Variants in MICU1 observed in about 807,000 individuals in gnomAD.
The protein encoded by MICU1 is mitochondrial calcium uptake 1, also known as calcium uptake protein 1, mitochondrial.
A neutral mutation model predicts 56.8 loss-of-function variants in MICU1; 45 were observed. That is an observed-to-expected ratio of 0.79 (90% CI 0.62 to 1.02). The LOEUF (loss-of-function observed/expected upper bound fraction) is 1.02, where lower values mean the gene tolerates loss of function less well. Ranked by LOEUF, MICU1 falls within the 50% of genes least tolerant of loss-of-function variation. The pLI is 0.00. For missense variants in MICU1, 504 were observed against 587.1 expected, an observed-to-expected ratio of 0.86 and a Z score of 1.46; for synonymous variants, 186 against 195.1, an observed-to-expected ratio of 0.95 and a Z score of 0.39.
At chr10:72,520,490 G>C (rs1047043403) in intron 5 of MICU1, among the ~76,000 whole-genome samples, 1 of 152,066 alleles carries the variant, frequency 6.6e-6, no homozygotes, top group Admixed American at 6.6e-5. Context: ...TTTCTTCTAA[G>C]CTTTTCAAAG....
intron 10 of MICU1, among the ~76,000 whole-genome samples, chr10:72,387,546 G>C (rs924859239): frequency 2.0e-5 from 3 of 152,108 alleles, no homozygotes; most frequent in Non-Finnish European, 2.9e-5. Context: ...TATCAATAGG[G>C]GTTAGATATT....
chr10:72,413,505 G>C (rs187094080), intron 9 of MICU1, among the ~76,000 whole-genome samples: 26 of 152,310 alleles, frequency 1.7e-4, no homozygotes, highest in Non-Finnish European at 8.8e-5. Flanking sequence ...CACCAAGGCG[G>C]GTGGATCACC....
At chr10:72,401,057 C>T (rs930701761) in intron 10 of MICU1, among the ~76,000 whole-genome samples, 2 of 152,102 alleles carry the variant, frequency 1.3e-5, no homozygotes, top group East Asian at 3.9e-4. Flanking sequence ...CTGCCTCAGC[C>T]TCCTGAGTAG....
At chr10:72,613,125 T>C (rs1302097725) in intron 1 of MICU1, among the ~76,000 whole-genome samples, 2 of 152,146 alleles carry the variant, frequency 1.3e-5, no homozygotes, top group Non-Finnish European at 2.9e-5. Context: ...CAACACCATA[T>C]GTGCATTACT....
intron 8 of MICU1, among the ~76,000 whole-genome samples, chr10:72,452,610 A>G (rs1865333032): frequency 6.6e-6 from 1 of 152,186 alleles, no homozygotes. Context: ...ACTGCCCTCT[A>G]TGGTATTCAG....
intron 5 of MICU1, chr10:72,523,898 G>A: frequency 2.6e-6 from 4 of 1,511,812 alleles, no homozygotes; most frequent in East Asian, 2.5e-5. Context: ...CCAAATTAAA[G>A]TCATTGATTA....
chr10:72,454,791 AAAAAAAAC>A (rs948607278), intron 8 of MICU1, among the ~76,000 whole-genome samples: 19 of 149,698 alleles, frequency 1.3e-4, no homozygotes, highest in African/African-American at 4.3e-4. Flanking sequence ...TCAAAAAAAA[AAAAAAAAC>A]AAAAAACAAA....
At chr10:72,489,290 TCACACA>T (rs67070756) in intron 6 of MICU1, among the ~76,000 whole-genome samples, 5,187 of 141,566 alleles carry the variant, frequency 0.037, 291 homozygotes, top group African/African-American at 0.12. Context: ...CGAGACTCTG[TCACACA>T]CACACACACA....
chr10:72,582,177 C>T (rs1840918009), intron 1 of MICU1, among the ~76,000 whole-genome samples: 1 of 152,170 alleles, frequency 6.6e-6, no homozygotes, highest in Non-Finnish European at 1.5e-5. Context: ...GACCCGCCTG[C>T]CTCAGCCTCC....
chr10:72,435,927 C>T (rs1181793977), intron 8 of MICU1, among the ~76,000 whole-genome samples: 1 of 152,268 alleles, frequency 6.6e-6, no homozygotes, highest in African/African-American at 2.4e-5. Context: ...TCAACAAGGC[C>T]TACTGCCTCT....
At chr10:72,482,680 C>T (rs1866338928) in intron 6 of MICU1, among the ~76,000 whole-genome samples, 1 of 151,902 alleles carries the variant, frequency 6.6e-6, no homozygotes, top group African/African-American at 2.4e-5. Flanking sequence ...TCTGCTTCTT[C>T]ATTTATATGA....
At chr10:72,402,699 C>A (rs1352262625) in intron 10 of MICU1, among the ~76,000 whole-genome samples, 2 of 152,020 alleles carry the variant, frequency 1.3e-5, no homozygotes, top group Non-Finnish European at 2.9e-5. Flanking sequence ...TTTTAGATAA[C>A]CCAAAAAGTA....
At chr10:72,407,837 C>T (rs963817025) in intron 10 of MICU1, 92 bp downstream of exon 10, 55 of 764,436 alleles carry the variant, frequency 7.2e-5, no homozygotes, top group Non-Finnish European at 1.1e-4. Context: ...CCAAGAAAAA[C>T]TTATCTTTTA....
chr10:72,551,559 T>C (rs1414600515), intron 3 of MICU1, among the ~76,000 whole-genome samples: 3 of 152,204 alleles, frequency 2.0e-5, no homozygotes, highest in Non-Finnish European at 4.4e-5. Flanking sequence ...ATACCATTCA[T>C]ATTCCAGTTG....
intron 1 of MICU1, among the ~76,000 whole-genome samples, chr10:72,590,885 AC>A (rs1841207520): frequency 6.6e-6 from 1 of 151,510 alleles, no homozygotes; most frequent in African/African-American, 2.4e-5. Flanking sequence ...ACACAAGTAA[AC>A]CAACCAGATA....
At chr10:72,446,533 G>A (rs967323686) in intron 8 of MICU1, among the ~76,000 whole-genome samples, 1 of 151,900 alleles carries the variant, frequency 6.6e-6, no homozygotes, top group African/African-American at 2.4e-5. Context: ...TTCACCTTTT[G>A]GGCTAGGCTG....
At chr10:72,487,567 T>A (rs1589269227) in intron 6 of MICU1, among the ~76,000 whole-genome samples, 2 of 151,168 alleles carry the variant, frequency 1.3e-5, no homozygotes, top group African/African-American at 2.4e-5. Flanking sequence ...ATGGCAGGAG[T>A]TTTTGGGATG....
At chr10:72,560,648 T>C (rs1448527219) in intron 3 of MICU1, among the ~76,000 whole-genome samples, 1 of 152,082 alleles carries the variant, frequency 6.6e-6, no homozygotes, top group African/African-American at 2.4e-5. Flanking sequence ...GGTGGGCGGA[T>C]CACCTGAGCT....
At chr10:72,387,462 T>C (rs546028540) in intron 10 of MICU1, among the ~76,000 whole-genome samples, 27 of 152,334 alleles carry the variant, frequency 1.8e-4, no homozygotes, top group African/African-American at 6.0e-4. Flanking sequence ...CACAAAGTTG[T>C]AGAAAACATG....
Sources: allele counts gnomAD v4.1 joint callset (sites outside exome capture counted in the v4.1 genomes callset), GRCh38; gene constraint gnomAD v4.1.1; transcripts MANE v1.5; gene names NCBI Gene and HGNC (gene_info 2026-07-23, HGNC 2026-07-21).